LMO7: variants seen among roughly 807,000 people sequenced by gnomAD.
LMO7 encodes LIM domain 7.
A neutral mutation model predicts 206.5 loss-of-function variants in LMO7; 120 were observed. The ratio of observed to expected loss-of-function variants is 0.58; its 90% CI spans 0.50 to 0.68. The LOEUF is 0.68. LMO7 is among the 30% of genes least tolerant of loss of function. LMO7 has a pLI of 0.00. For missense variants in LMO7, 1,959 were observed against 1,957.9 expected (o/e 1.00, Z -0.01); for synonymous variants, 706 against 681.5 (o/e 1.04, Z -0.56).
intron 1 of LMO7, among the ~76,000 whole-genome samples, chr13:75,641,957 G>A (rs2036580364): frequency 6.6e-6 from 1 of 151,938 alleles, no homozygotes; most frequent in Non-Finnish European, 1.5e-5. Flanking sequence ...CACCACACCC[G>A]GCCCCATTTT....
chr13:75,791,271 T>G (rs988608254), intron 4 of LMO7, among the ~76,000 whole-genome samples: 2 of 152,160 alleles, frequency 1.3e-5, no homozygotes, highest in African/African-American at 4.8e-5. Context: ...TTGATTTGAT[T>G]CTAAAGAATT....
intron 1 of LMO7, among the ~76,000 whole-genome samples, chr13:75,686,777 G>C (rs1043694864): frequency 3.3e-5 from 5 of 152,086 alleles, no homozygotes; most frequent in Admixed American, 2.0e-4. Context: ...AGGGTGCATG[G>C]CTTCAGCAAC....
intron 1 of LMO7, among the ~76,000 whole-genome samples, chr13:75,700,218 T>G (rs887922320): frequency 8.5e-5 from 13 of 152,210 alleles, no homozygotes; most frequent in Non-Finnish European, 1.8e-4. Flanking sequence ...CACAGGGTCC[T>G]GAGGCGACAT....
intron 1 of LMO7, among the ~76,000 whole-genome samples, chr13:75,682,419 G>A (rs925671690): frequency 2.1e-4 from 32 of 152,128 alleles, no homozygotes; most frequent in African/African-American, 7.0e-4. Context: ...TTGGTGGTTT[G>A]AAATTTTTAT....
chr13:75,657,256 C>A (rs1441274005), intron 1 of LMO7, among the ~76,000 whole-genome samples: 1 of 152,178 alleles, frequency 6.6e-6, no homozygotes, highest in Non-Finnish European at 1.5e-5. Flanking sequence ...TTCTAGACTT[C>A]AGAACTGTGA....
At chr13:75,629,033 G>A (rs571006334) in intron 2 of LMO7, among the ~76,000 whole-genome samples, 3 of 152,314 alleles carry the variant, frequency 2.0e-5, no homozygotes, top group African/African-American at 7.2e-5. Flanking sequence ...AACGTTTTTG[G>A]TTATTACTTC....
chr13:75,842,873 C>G lies in LMO7; in HGVS notation c.4054C>G (p.Pro1352Ala), dbSNP rs2139287039. 2 of 1,607,582 alleles carry G rather than the reference C, an allele frequency of 1.2e-6. No individual in the cohort carries two copies. Among genetic ancestry groups the G allele is most frequent in the South Asian group, 2.2e-5 (2 of 90,934 alleles). Residue 1352 changes from proline to alanine, a missense_variant, in exon 25 of 31, where the codon CCA becomes GCA. Coordinates refer to ENST00000377534, the MANE Select transcript of LMO7 (RefSeq NM_001306080.2). ...YRRPVDSYDI[P>A]KTEEASSGFL... ...TAGGCCTGTTGATTCCTATGATATA[C>G]CAAAGACAGAAGAAGCATCTTCAGG...
rs139519783 is a variant in LMO7 at position 75,819,512 on chromosome 13, G to A, written c.2184G>A (p.Thr728=). ...AGAAGTCTAAGAGAAGCTCTAAGACGTTTAAGGAAATGCTGCAGGACAGGT... is the reference window on the plus strand; with the variant it reads ...AGAAGTCTAAGAGAAGCTCTAAGACATTTAAGGAAATGCTGCAGGACAGGT... ...ALEKSKRSSK[T]FKEMLQDRES... Residue 728 remains threonine (T), a synonymous_variant, in exon 13 of 31, where the codon ACG becomes ACA. Coordinates refer to ENST00000377534, the MANE Select transcript of LMO7 (RefSeq NM_001306080.2). The A allele has an allele frequency of 1.4e-4, 218 of 1,603,432 alleles. 3 individuals are homozygous for A. The highest frequency in any genetic ancestry group is 1.0e-3 in the South Asian group (90 of 88,878).
chr13:75,800,163 G>T (rs548701561), intron 6 of LMO7, among the ~76,000 whole-genome samples: 2 of 152,080 alleles, frequency 1.3e-5, no homozygotes, highest in Non-Finnish European at 2.9e-5. Context: ...TTATTTTTCT[G>T]GGGGGAGAGT....
At chr13:75,838,490 A>G (rs2059335656) in intron 20 of LMO7, 2 of 535,520 alleles carry the variant, frequency 3.7e-6, no homozygotes, top group Non-Finnish European at 5.8e-6. Context: ...ATGCTCTTAA[A>G]CACACACTTG....
At chr13:75,803,814 TG>T (rs1440400031) in intron 7 of LMO7, among the ~76,000 whole-genome samples, 182 of 152,150 alleles carry the variant, frequency 1.2e-3, no homozygotes, top group Middle Eastern at 3.4e-3. Context: ...TTTACAAGCT[TG>T]TTTTTTTTTT....
chr13:75,669,037 G>T (rs1428027552), intron 1 of LMO7, among the ~76,000 whole-genome samples: 2 of 152,164 alleles, frequency 1.3e-5, no homozygotes, highest in African/African-American at 2.4e-5. Flanking sequence ...GGATTGGCCT[G>T]AATTTATAAC....
intron 1 of LMO7, among the ~76,000 whole-genome samples, chr13:75,650,762 G>C (rs1244300363): frequency 6.6e-6 from 1 of 152,002 alleles, no homozygotes; most frequent in Non-Finnish European, 1.5e-5. Context: ...TTATGGCTTT[G>C]TCTCAGCTAT....
intron 2 of LMO7, among the ~76,000 whole-genome samples, chr13:75,716,381 T>G (rs370344829): frequency 6.6e-5 from 10 of 152,170 alleles, no homozygotes; most frequent in East Asian, 3.9e-4. Context: ...CCTTTTAATC[T>G]GATTGACTAT....
chr13:75,675,897 C>T, intron 1 of LMO7, among the ~76,000 whole-genome samples: 1 of 68,036 alleles, frequency 1.5e-5, no homozygotes, highest in East Asian at 2.1e-4. Flanking sequence ...TGCACACACA[C>T]ACACACACAC....
At chr13:75,790,038 G>A (rs1383411241) in intron 4 of LMO7, among the ~76,000 whole-genome samples, 3 of 152,148 alleles carry the variant, frequency 2.0e-5, no homozygotes, top group African/African-American at 7.2e-5. Flanking sequence ...TACCACGCCA[G>A]TGTGCTTTGC....
intron 1 of LMO7, among the ~76,000 whole-genome samples, chr13:75,708,480 G>A (rs2042820723): frequency 6.6e-6 from 1 of 152,214 alleles, no homozygotes; most frequent in African/African-American, 2.4e-5. Context: ...CAGATTATAA[G>A]TGTCAGTGGC....
Position 75,761,056 on chromosome 13 carries a change from G to T in LMO7, c.317+18G>T. ...ACTGTCAAGTAAGTTTCAACAGTTTGTTAGATATATATATATATATTTAAA... is the reference window on the plus strand; with the variant it reads ...ACTGTCAAGTAAGTTTCAACAGTTTTTTAGATATATATATATATATTTAAA... On this transcript the variant is annotated intron_variant, in intron 4 of 30. Transcript: ENST00000377534. 2 of 1,411,988 alleles carry T rather than the reference G, an allele frequency of 1.4e-6. No individual in the cohort carries two copies. The highest frequency in any genetic ancestry group is 9.7e-7 in the Non-Finnish European group (1 of 1,035,410). 87.5% of individuals were successfully genotyped at this position (1,411,988 alleles called of 1,614,324 possible).
intron 3 of LMO7, among the ~76,000 whole-genome samples, chr13:75,737,450 T>C (rs1300659556): frequency 6.9e-6 from 1 of 144,456 alleles, no homozygotes; most frequent in Non-Finnish European, 1.5e-5. Context: ...AGTTAATACC[T>C]TTTTTAAAAA....
Sources: gnomAD v4.1 joint callset for allele counts (sites outside exome capture counted in the v4.1 genomes callset) on GRCh38, gnomAD v4.1.1 for gene constraint, MANE v1.5 for transcripts, NCBI Gene and HGNC (gene_info 2026-07-23, HGNC 2026-07-21) for gene names.